Variants in ECE1 observed in about 807,000 individuals in gnomAD.
ECE1 encodes endothelin converting enzyme 1.
In ECE1, 35 loss-of-function variants were observed where a neutral mutation model predicts 98.6. The observed-to-expected ratio is 0.35, with a 90% CI of 0.27 to 0.47. ECE1 has a LOEUF of 0.47. Among genes scored for constraint, ECE1 ranks in the 20% least tolerant of loss-of-function variants. The pLI is 1.00. For missense variants in ECE1, 814 were observed against 1,025.3 expected, an observed-to-expected ratio of 0.79 and a Z score of 2.81; for synonymous variants, 394 against 407.1, an observed-to-expected ratio of 0.97 and a Z score of 0.39.
intron 1 of ECE1, among the ~76,000 whole-genome samples, chr1:21,316,059 G>A (rs1023071196): frequency 6.6e-6 from 1 of 152,170 alleles, no homozygotes; most frequent in African/African-American, 2.4e-5. Context: ...ACAGTAGCTG[G>A]CACATGTCCT....
intron 4 of ECE1, among the ~76,000 whole-genome samples, chr1:21,264,975 C>T (rs796641266): frequency 5.3e-5 from 8 of 152,298 alleles, no homozygotes; most frequent in African/African-American, 1.4e-4. Context: ...CAGCTACAAT[C>T]GCCTCTTCCC....
At chr1:21,302,316 C>A (rs1295436132) in intron 1 of ECE1, among the ~76,000 whole-genome samples, 1 of 152,140 alleles carries the variant, frequency 6.6e-6, no homozygotes, top group African/African-American at 2.4e-5. Context: ...TGGTGCTAAG[C>A]GCCCTACACA....
At chr1:21,344,907 A>T (rs1431787185) in intron 1 of ECE1, 1 of 153,098 alleles carries the variant, frequency 6.5e-6, no homozygotes, top group African/African-American at 2.4e-5. Context: ...GTGGCCACCC[A>T]CAGTGCCCCA....
intron 14 of ECE1, among the ~76,000 whole-genome samples, chr1:21,230,710 C>T (rs1436878685): frequency 6.6e-6 from 1 of 151,424 alleles, no homozygotes; most frequent in Non-Finnish European, 1.5e-5. Context: ...TATATAAAAA[C>T]AACATATGGT....
chr1:21,266,218 G>A (rs554555281), intron 4 of ECE1: 1 of 152,518 alleles, frequency 6.6e-6, no homozygotes, highest in South Asian at 2.1e-4. Context: ...CTGGGATAGG[G>A]GTGTCTGGGA....
intron 18 of ECE1, among the ~76,000 whole-genome samples, chr1:21,221,205 T>C (rs1417299735): frequency 6.6e-6 from 1 of 152,170 alleles, no homozygotes; most frequent in Non-Finnish European, 1.5e-5. Flanking sequence ...AATCTTGCTA[T>C]GTTGCCCGGG....
At chr1:21,332,468 T>C (rs1451648303) in intron 1 of ECE1, among the ~76,000 whole-genome samples, 1 of 150,272 alleles carries the variant, frequency 6.7e-6, no homozygotes, top group Admixed American at 6.7e-5. Flanking sequence ...ATTTTACTTA[T>C]GCAGAAATAG....
intron 1 of ECE1, among the ~76,000 whole-genome samples, chr1:21,325,815 C>T (rs919656907): frequency 5.9e-5 from 9 of 152,218 alleles, no homozygotes; most frequent in African/African-American, 2.4e-5. Context: ...CGAGAAGCAA[C>T]GAGAAGGGGC....
At chr1:21,255,689 C>A (rs530325094) in intron 8 of ECE1, among the ~76,000 whole-genome samples, 2 of 152,326 alleles carry the variant, frequency 1.3e-5, no homozygotes, top group Admixed American at 1.3e-4. Flanking sequence ...CAAGTAAACA[C>A]TATTAATTAC....
At chr1:21,239,719 C>T (rs776991440) in intron 10 of ECE1, among the ~76,000 whole-genome samples, 5 of 151,794 alleles carry the variant, frequency 3.3e-5, no homozygotes, top group East Asian at 1.9e-4. Flanking sequence ...GCTCAGAGGG[C>T]GCTGGACAAA....
upstream of ECE1, among the ~76,000 whole-genome samples, chr1:21,292,088 G>C (rs937886365): frequency 2.6e-5 from 4 of 151,884 alleles, no homozygotes; most frequent in Non-Finnish European, 5.9e-5. Context: ...GCCAGGAGGT[G>C]GCGGCTACAG....
intron 3 of ECE1, 22 bp downstream of exon 3, chr1:21,279,169 C>T (rs1221982604): frequency 6.2e-7 from 1 of 1,614,126 alleles, no homozygotes; most frequent in Admixed American, 1.7e-5. Flanking sequence ...TCAAGCCCAC[C>T]ATGCAACACG....
intron 2 of ECE1, among the ~76,000 whole-genome samples, chr1:21,284,950 C>T (rs964988062): frequency 2.6e-5 from 4 of 152,296 alleles, no homozygotes; most frequent in South Asian, 4.1e-4. Context: ...GAGAGCAAGT[C>T]GACTGTGACA....
chr1:21,257,164 C>T (rs1259608165), intron 7 of ECE1, among the ~76,000 whole-genome samples: 1 of 152,192 alleles, frequency 6.6e-6, no homozygotes, highest in Admixed American at 6.5e-5. Context: ...AAAGGCAAGA[C>T]AAAACTAATT....
At chr1:21,283,142 C>T (rs369125227) in intron 2 of ECE1, among the ~76,000 whole-genome samples, 1 of 151,900 alleles carries the variant, frequency 6.6e-6, no homozygotes, top group African/African-American at 2.4e-5. Context: ...GGGGTTTCAC[C>T]GTGTTAGCCA....
intron 1 of ECE1, among the ~76,000 whole-genome samples, chr1:21,332,350 T>C (rs1639214862): frequency 6.6e-6 from 1 of 151,636 alleles, no homozygotes; most frequent in African/African-American, 2.4e-5. Flanking sequence ...ATAAATCAGG[T>C]GACATTTATT....
intron 1 of ECE1, among the ~76,000 whole-genome samples, chr1:21,328,709 G>A (rs1639133022): frequency 7.1e-6 from 1 of 141,540 alleles, no homozygotes; most frequent in African/African-American, 2.7e-5. Context: ...GTTGCAGTGA[G>A]TTGAGGTCAC....
chr1:21,329,040 C>T (rs1639141650), intron 1 of ECE1, among the ~76,000 whole-genome samples: 3 of 152,068 alleles, frequency 2.0e-5, no homozygotes, highest in Non-Finnish European at 2.9e-5. Flanking sequence ...CCCTACCAGG[C>T]GATGTTCTGA....
intron 10 of ECE1, among the ~76,000 whole-genome samples, chr1:21,241,963 G>GCAATTTTTT (rs1455789209): frequency 6.6e-6 from 1 of 152,120 alleles, no homozygotes. Flanking sequence ...TGACCTGGCT[G>GCAATTTTTT]CAATTTTTTT....
Sources: allele counts gnomAD v4.1 joint callset (sites outside exome capture counted in the v4.1 genomes callset), GRCh38; gene constraint gnomAD v4.1.1; transcripts MANE v1.5; gene names NCBI Gene and HGNC (gene_info 2026-07-23, HGNC 2026-07-21).